The following PPL variants were observed in gnomAD, a reference collection of about 807,000 sequenced individuals.
PPL encodes periplakin.
PPL carries 198 observed loss-of-function variants against 194.4 expected under a neutral mutation model. The observed-to-expected ratio is 1.02, with a 90% CI of 0.91 to 1.15. PPL has a LOEUF of 1.15. PPL is among the 50% of genes most tolerant of loss of function. The pLI is 0.00. For synonymous variants in PPL, 1,220 were observed against 972.4 expected, an observed-to-expected ratio of 1.25 and a Z score of -4.74; for missense variants, 2,885 against 2,294.8, an observed-to-expected ratio of 1.26 and a Z score of -5.25.
Position 4,902,382 on chromosome 16 carries a change from C to T in PPL, c.438+24G>A. On this transcript the variant is annotated intron_variant, in intron 4 of 21. Coordinates refer to ENST00000345988, the MANE Select transcript of PPL (RefSeq NM_002705.5). The surrounding 1 kb of genome is among the most constrained non-coding windows in gnomAD (Gnocchi z 4.0). The stretch of plus-strand genomic sequence containing the variant: ...CCCCTCCCCAGCTGAAACCCTGGAG[C>T]CAGCGGCCCCGTCCAGGCCATACCA... The T allele has an allele frequency of 6.2e-7, 1 of 1,612,058 alleles. No homozygotes were observed. The highest frequency in any genetic ancestry group is 8.5e-7 in the Non-Finnish European group (1 of 1,178,960).
chr16:4,883,578 A>G lies in PPL; in HGVS notation c.5077T>C (p.Cys1693Arg). 6.2e-7 allele frequency: 1 copy of G among 1,613,806 alleles called. No homozygotes were observed. The highest frequency in any genetic ancestry group is 1.1e-5 in the South Asian group (1 of 91,060). The change falls in exon 22 of 22, where the codon TGC becomes CGC. Residue 1693 changes from cysteine (C) to arginine (R), a missense_variant. Physicochemically the swap from Cys to Arg is radical, Grantham distance 180. Coordinates refer to ENST00000345988, the MANE Select transcript of PPL (RefSeq NM_002705.5). The surrounding 1 kb of genome is among the most constrained non-coding windows in gnomAD (Gnocchi z 4.8). ...NMFVKLRSQE[C>R]DWEEISVKGP... Reference sequence around the variant, plus strand: ...TTCACTGAGATCTCCTCCCAGTCGCACTCCTGGCTTCTGAGTTTCACGAAC... The same window carrying G: ...TTCACTGAGATCTCCTCCCAGTCGCGCTCCTGGCTTCTGAGTTTCACGAAC...
In PPL at chr16:4,932,824, C is replaced by T. The variant is rs566215280; in HGVS notation, c.62+4160G>A. ...GGGCTGGACCCATCATGTGCATCCC[C>T]TCATTTGATCTACCCAGCAGCCTCA... On this transcript the variant is annotated intron_variant, in intron 1 of 21. Transcript: ENST00000345988. Among the ~76,000 whole-genome samples, 25 of 152,218 alleles carry T rather than the reference C, an allele frequency of 1.6e-4. No individual in the cohort carries two copies. In the South Asian group the frequency reaches 3.7e-3, roughly 23 times the overall value.
Position 4,888,146 on chromosome 16 carries a change from T to G in PPL, c.2470A>C (p.Lys824Gln), listed in dbSNP as rs754885417. 1.2e-6 allele frequency: 2 copies of G among 1,614,066 alleles called. No homozygotes were observed. The highest frequency in any genetic ancestry group is 1.7e-6 in the Non-Finnish European group (2 of 1,179,892). The change falls in exon 20 of 22, where the codon AAG (lysine) becomes CAG (glutamine). Residue 824 changes from lysine (K) to glutamine (Q), a missense_variant. Physicochemically the swap from Lys to Gln is moderately conservative, Grantham distance 53. Coordinates refer to ENST00000345988, the MANE Select transcript of PPL (RefSeq NM_002705.5). ...LENGRRSHVS[K>Q]RARLQSPATK... ...GCAGGAGATTGGAGCCTGGCTCTCT[T>G]GCTCACGTGGCTTCTCCTTCCATTC... is the stretch of plus-strand genomic sequence containing the variant.
chr16:4,908,606 C>T (rs1426302998), intron 2 of PPL, among the ~76,000 whole-genome samples: 1 of 152,154 alleles, frequency 6.6e-6, no homozygotes, highest in African/African-American at 2.4e-5. Flanking sequence ...GGTGTCATCT[C>T]TGCTCACTGC....
Position 4,883,737 on chromosome 16 carries a change from G to C in PPL, c.4918C>G (p.Leu1640Val). The C allele has an allele frequency of 6.2e-7, 1 of 1,614,056 alleles. No homozygotes were observed. The highest frequency in any genetic ancestry group is 8.5e-7 in the Non-Finnish European group (1 of 1,180,026). Residue 1640 changes from leucine to valine, a missense_variant, in exon 22 of 22, where the codon CTG (leucine) becomes GTG (valine). By Grantham distance (32) the Leu-to-Val change is conservative. Coordinates refer to ENST00000345988, the MANE Select transcript of PPL (RefSeq NM_002705.5). This position sits in a 1 kb window ranked among gnomAD's most constrained non-coding sequence, Gnocchi z 4.8. ...TCCCGCTTGACGGCCACGGAGCCCAGGCGCTTCTGCAGCTCGTCGATCTCG... is the reference window on the plus strand; with the variant it reads ...TCCCGCTTGACGGCCACGGAGCCCACGCGCTTCTGCAGCTCGTCGATCTCG... Reference protein sequence around the residue: ...DLEIDELQKRLGSVAVKREQR... With the variant: ...DLEIDELQKRVGSVAVKREQR...
chr16:4,883,453 C>G lies in PPL; in HGVS notation c.5202G>C (p.Gln1734His), dbSNP rs756981757. The G allele has an allele frequency of 6.8e-6, 11 of 1,614,060 alleles. No homozygotes were observed. Among genetic ancestry groups the G allele is most frequent in the South Asian group, 4.4e-5 (4 of 91,094 alleles). Reference sequence around the variant, plus strand: ...TATCCTTGTTGACATAGCGGTCATACTGAGCAGGGGTCAGCCTGCCACTCT... The same window carrying G: ...TATCCTTGTTGACATAGCGGTCATAGTGAGCAGGGGTCAGCCTGCCACTCT... ...ALQSGRLTPAQYDRYVNKDMS... is the reference protein window; with the variant it reads ...ALQSGRLTPAHYDRYVNKDMS... The change falls in exon 22 of 22, where the codon CAG becomes CAC. Residue 1734 changes from glutamine to histidine, a missense_variant. Gln to His is a conservative substitution (Grantham distance 24, BLOSUM62 0). Coordinates refer to ENST00000345988, the MANE Select transcript of PPL (RefSeq NM_002705.5). This position sits in a 1 kb window ranked among gnomAD's most constrained non-coding sequence, Gnocchi z 4.8.
In PPL at chr16:4,902,692, CTTTTT is replaced by C. The variant is rs5815221; in HGVS notation, c.318-171_318-167del. Among the ~76,000 whole-genome samples the C allele has an allele frequency of 7.1e-6, 1 of 140,868 alleles. No homozygotes were observed. Among genetic ancestry groups the C allele is most frequent in the Non-Finnish European group, 1.6e-5 (1 of 64,344 alleles). 92.4% of individuals were successfully genotyped at this position (140,868 alleles called of 152,430 possible). Reference sequence around the variant, plus strand: ...ATCCTCTCACCCCTCCTCCCATGCACTTTTTTTTTTTTTTTGAGACAGAGTCTTGC... The same window carrying C: ...ATCCTCTCACCCCTCCTCCCATGCACTTTTTTTTTTGAGACAGAGTCTTGC... On this transcript the variant is annotated intron_variant, in intron 3 of 21. Coordinates refer to ENST00000345988, the MANE Select transcript of PPL (RefSeq NM_002705.5). The surrounding 1 kb of genome is among the most constrained non-coding windows in gnomAD (Gnocchi z 4.0).
chr16:4,924,793 C>T (rs1374678557), intron 1 of PPL, among the ~76,000 whole-genome samples: 2 of 152,212 alleles, frequency 1.3e-5, no homozygotes, highest in African/African-American at 2.4e-5. Flanking sequence ...GTGCTGGAGG[C>T]ACCTGGCCTG....
intron 10 of PPL, 86 bp from the exon 11 acceptor site, chr16:4,895,493 G>C: frequency 1.9e-6 from 3 of 1,602,798 alleles, no homozygotes; most frequent in South Asian, 2.2e-5. Context: ...GGATTCAGCA[G>C]GTGGGGTGCT....
chr16:4,890,985 C>G (rs1395841200), intron 16 of PPL, 64 bp from the exon 17 acceptor site: 6 of 1,388,158 alleles, frequency 4.3e-6, no homozygotes, highest in Non-Finnish European at 5.8e-6. Context: ...GGCGATGACA[C>G]CCACTGAAGC....
Position 4,937,102 on chromosome 16 carries a change from C to T in PPL, c.-57G>A. The T allele has an allele frequency of 8.7e-7, 1 of 1,154,634 alleles. No homozygotes were observed. The allele number at this position is 1,154,634 out of a possible 1,614,324, so 71.5% of individuals were successfully genotyped here. A position where few individuals can be genotyped will look rare whatever the true frequency, so the allele number is the denominator to read the frequency against. ...GGCGGGCCGGGCGCGCACCGAGGGG[C>T]GGGCGGGAGCGCAGGTGAGCGAGCG... On this transcript the variant is annotated 5_prime_UTR_variant, in exon 1 of 22. Coordinates refer to ENST00000345988, the MANE Select transcript of PPL (RefSeq NM_002705.5).
Position 4,883,788 on chromosome 16 carries a change from T to G in PPL, c.4867A>C (p.Lys1623Gln), listed in dbSNP as rs879409117. Residue 1623 changes from lysine to glutamine, a missense_variant, in exon 22 of 22, where the codon AAG (lysine) becomes CAG (glutamine). Transcript: ENST00000345988. This position sits in a 1 kb window ranked among gnomAD's most constrained non-coding sequence, Gnocchi z 4.8. ...AGGTCTTTGTCCTTGGAGAGCCTCTTGAGGTCATCCAGTTCCCTCTCCAGG... is the reference window on the plus strand; with the variant it reads ...AGGTCTTTGTCCTTGGAGAGCCTCTGGAGGTCATCCAGTTCCCTCTCCAGG... ...WSLERELDDL[K>Q]RLSKDKDLEI... 2 of 1,614,154 alleles carry G rather than the reference T, an allele frequency of 1.2e-6. No homozygotes were observed. The highest frequency in any genetic ancestry group is 1.7e-6 in the Non-Finnish European group (2 of 1,180,028).
chr16:4,923,151 G>C (rs1357273868), intron 1 of PPL, among the ~76,000 whole-genome samples: 1 of 152,194 alleles, frequency 6.6e-6, no homozygotes, highest in African/African-American at 2.4e-5. Flanking sequence ...GGGAGGACCT[G>C]TCTACCCGGT....
At chr16:4,923,053 G>A (rs2142412356) in intron 1 of PPL, among the ~76,000 whole-genome samples, 1 of 152,284 alleles carries the variant, frequency 6.6e-6, no homozygotes, top group South Asian at 2.1e-4. Flanking sequence ...GAGTCAGTAG[G>A]TTTGGGGATT....
In PPL at chr16:4,893,647, A is replaced by G. The variant is rs1440344235; in HGVS notation, c.1395-9T>C. 8 of 1,575,448 alleles carry G rather than the reference A, an allele frequency of 5.1e-6. No individual in the cohort carries two copies. The highest frequency in any genetic ancestry group is 6.9e-6 in the Non-Finnish European group (8 of 1,164,824). On this transcript the variant is annotated splice_polypyrimidine_tract_variant and intron_variant, in intron 12 of 21. Coordinates refer to ENST00000345988, the MANE Select transcript of PPL (RefSeq NM_002705.5). The stretch of plus-strand genomic sequence containing the variant: ...GGTACTGGCTGCCCAGGCTGTGAGG[A>G]CAGAAATGAGCTGGGAACCTGGGCA...
At chr16:4,913,808 C>T (rs1324711195) in intron 1 of PPL, among the ~76,000 whole-genome samples, 1 of 152,260 alleles carries the variant, frequency 6.6e-6, no homozygotes, top group Non-Finnish European at 1.5e-5. Flanking sequence ...TGAAGACCCA[C>T]AGTGGGGCCT....
intron 1 of PPL, among the ~76,000 whole-genome samples, chr16:4,926,628 C>G (rs975987573): frequency 2.0e-5 from 3 of 152,156 alleles, no homozygotes; most frequent in Admixed American, 6.5e-5. Flanking sequence ...GTAATCCCAG[C>G]ACTTTGGGAG....
chr16:4,920,068 G>A (rs765682628), intron 1 of PPL, among the ~76,000 whole-genome samples: 18 of 151,744 alleles, frequency 1.2e-4, no homozygotes, highest in Non-Finnish European at 2.1e-4. Context: ...GGTGGATCAC[G>A]AGGTCAGGAG....
chr16:4,920,207 C>A (rs11865981), intron 1 of PPL, among the ~76,000 whole-genome samples: 102,869 of 150,848 alleles, frequency 0.68, 38,109 homozygotes, highest in Non-Finnish European at 0.82. Context: ...TTGCTTGAAC[C>A]TGGGAGGTGG....
Sources: gnomAD v4.1 joint callset for allele counts (sites outside exome capture counted in the v4.1 genomes callset) on GRCh38, gnomAD v4.1.1 for gene constraint, Gnocchi (gnomAD v3.1) non-coding constraint, MANE v1.5 for transcripts, NCBI Gene and HGNC (gene_info 2026-07-23, HGNC 2026-07-21) for gene names.